IMMP2L: variants seen among roughly 807,000 people sequenced by gnomAD.
IMMP2L encodes mitochondrial inner membrane protease subunit 2.
Under a neutral mutation model 19.3 loss-of-function variants are expected in IMMP2L, and 18 were observed. The ratio of observed to expected loss-of-function variants is 0.93; its 90% CI spans 0.64 to 1.38. The LOEUF is 1.38. Ranked by LOEUF, IMMP2L falls within the 40% of genes most tolerant of loss-of-function variation. The pLI is 0.00. For synonymous variants in IMMP2L, 76 were observed against 73.0 expected (o/e 1.04, Z -0.21); for missense variants, 233 against 218.2 (o/e 1.07, Z -0.43).
intron 4 of IMMP2L, among the ~76,000 whole-genome samples, chr7:110,917,438 T>C (rs578198894): frequency 6.6e-6 from 1 of 152,296 alleles, no homozygotes; most frequent in African/African-American, 2.4e-5. Flanking sequence ...TATCTGCATG[T>C]CAAAATAGTG....
intron 5 of IMMP2L, among the ~76,000 whole-genome samples, chr7:110,733,787 T>G (rs1796435667): frequency 6.6e-6 from 1 of 152,088 alleles, no homozygotes; most frequent in African/African-American, 2.4e-5. Flanking sequence ...TTGGCCCTTC[T>G]TCCCCCTCTG....
intron 3 of IMMP2L, among the ~76,000 whole-genome samples, chr7:111,210,990 G>C (rs183248953): frequency 3.9e-5 from 6 of 152,180 alleles, no homozygotes; most frequent in South Asian, 4.2e-4. Context: ...AAGCAAAAAT[G>C]TTCTTCTTCT....
intron 3 of IMMP2L, among the ~76,000 whole-genome samples, chr7:111,011,185 A>C (rs1028527822): frequency 5.3e-5 from 8 of 152,116 alleles, no homozygotes; most frequent in Non-Finnish European, 1.0e-4. Flanking sequence ...TCTAGTTGCC[A>C]GTGGAAAGAG....
chr7:111,405,606 T>C (rs933518132), intron 3 of IMMP2L, among the ~76,000 whole-genome samples: 8 of 152,148 alleles, frequency 5.3e-5, no homozygotes, highest in African/African-American at 1.4e-4. Context: ...AAAAACATAG[T>C]TGAAGTGAGG....
chr7:110,956,492 T>C (rs538386354), intron 4 of IMMP2L, among the ~76,000 whole-genome samples: 20 of 151,974 alleles, frequency 1.3e-4, no homozygotes, highest in Non-Finnish European at 2.5e-4. Flanking sequence ...CAAAATCCAA[T>C]TATGTGAAGT....
At chr7:110,980,229 T>TC (rs1358054008) in intron 3 of IMMP2L, among the ~76,000 whole-genome samples, 1 of 135,428 alleles carries the variant, frequency 7.4e-6, no homozygotes, top group East Asian at 2.1e-4. Context: ...TGCTGCTTCT[T>TC]TTTTTTTTTT....
intron 3 of IMMP2L, among the ~76,000 whole-genome samples, chr7:111,212,328 G>A (rs887899035): frequency 6.6e-6 from 1 of 152,094 alleles, no homozygotes; most frequent in Admixed American, 6.5e-5. Flanking sequence ...AATAATTACG[G>A]CCGGATGCAG....
chr7:110,694,868 C>G (rs1458076311), intron 5 of IMMP2L, among the ~76,000 whole-genome samples: 1 of 151,748 alleles, frequency 6.6e-6, no homozygotes, highest in African/African-American at 2.4e-5. Flanking sequence ...TCTATATATG[C>G]AAAAGATTAT....
chr7:111,473,756 T>C (rs1196256320), intron 3 of IMMP2L, among the ~76,000 whole-genome samples: 1 of 152,100 alleles, frequency 6.6e-6, no homozygotes, highest in African/African-American at 2.4e-5. Flanking sequence ...TGGAAAGAAG[T>C]TTGGAGATTT....
intron 3 of IMMP2L, among the ~76,000 whole-genome samples, chr7:111,331,269 T>C (rs1348039034): frequency 6.6e-6 from 1 of 151,908 alleles, no homozygotes; most frequent in Non-Finnish European, 1.5e-5. Flanking sequence ...ATTCTGTCAT[T>C]TGTAGCAGCA....
At chr7:111,521,814 A>C (rs911070733) in intron 1 of IMMP2L, among the ~76,000 whole-genome samples, 7 of 152,104 alleles carry the variant, frequency 4.6e-5, no homozygotes, top group African/African-American at 1.7e-4. Context: ...ACAGTAATAA[A>C]AGTTTCAGTG....
At chr7:111,370,148 G>C (rs1321976771) in intron 3 of IMMP2L, among the ~76,000 whole-genome samples, 1 of 151,986 alleles carries the variant, frequency 6.6e-6, no homozygotes, top group Non-Finnish European at 1.5e-5. Context: ...GTTGTCATGT[G>C]AAACTGAGCA....
rs1202551261 is a variant in IMMP2L, at chr7:111,304,660, C to T, written c.239+182578G>A. On this transcript the variant is annotated intron_variant, in intron 3 of 5. Coordinates refer to ENST00000405709, the MANE Select transcript of IMMP2L (RefSeq NM_032549.4). ...CATAATGTATGGGTGTTTATACATA[C>T]ACATATATAATGTGTGTGTGTGTGT... is the stretch of plus-strand genomic sequence containing the variant. Among the ~76,000 whole-genome samples, 5 of 129,782 alleles carry T rather than the reference C, an allele frequency of 3.9e-5. No homozygotes were observed. In the South Asian group the frequency reaches 1.4e-3, roughly 35 times the overall value. The allele number at this position is 129,782 out of a possible 152,430, so 85.1% of individuals were successfully genotyped here.
chr7:111,388,405 C>G (rs1241092779), intron 3 of IMMP2L, among the ~76,000 whole-genome samples: 1 of 151,930 alleles, frequency 6.6e-6, no homozygotes, highest in South Asian at 2.1e-4. Context: ...TAAACCCTGT[C>G]GTTTGGAATC....
chr7:111,162,633 A>AG (rs1263016544), intron 3 of IMMP2L, among the ~76,000 whole-genome samples: 1 of 151,034 alleles, frequency 6.6e-6, no homozygotes, highest in East Asian at 1.9e-4. Flanking sequence ...ATTTTGAGCG[A>AG]GTAGTTTTTT....
chr7:110,745,615 G>T (rs924227115), intron 5 of IMMP2L, among the ~76,000 whole-genome samples: 5 of 152,160 alleles, frequency 3.3e-5, no homozygotes, highest in African/African-American at 7.2e-5. Context: ...TTAAAGAAAA[G>T]AATTTTCAAA....
At position 110,687,427 on chromosome 7, in the gene IMMP2L, CAACAT is replaced by C. The variant is rs1037593343; in HGVS notation, c.409-23711_409-23707del. On this transcript the variant is annotated intron_variant, in intron 5 of 5. Transcript: ENST00000405709. Reference sequence around the variant, plus strand: ...CATCTTTTTTGTTTTTTAAAGTACTCAACATAACATATTATCCATAGTAGACACTC... The same window carrying C: ...CATCTTTTTTGTTTTTTAAAGTACTCAACATATTATCCATAGTAGACACTC... Among the ~76,000 whole-genome samples the C allele has an allele frequency of 2.9e-4, 44 of 152,016 alleles. No individual in the cohort carries two copies. In the East Asian group the frequency reaches 3.5e-3, roughly 12 times the overall value.
At chr7:111,139,152 T>C (rs953561240) in intron 3 of IMMP2L, among the ~76,000 whole-genome samples, 1 of 152,164 alleles carries the variant, frequency 6.6e-6, no homozygotes, top group Non-Finnish European at 1.5e-5. Context: ...TTTTTATCTT[T>C]GCCCTATTTA....
chr7:111,499,121 A>G (rs1192040384), intron 2 of IMMP2L, among the ~76,000 whole-genome samples: 1 of 152,188 alleles, frequency 6.6e-6, no homozygotes, highest in Non-Finnish European at 1.5e-5. Context: ...AGGCAGCTGC[A>G]GCCATGGAGG....
Sources: gnomAD v4.1 joint callset for allele counts (sites outside exome capture counted in the v4.1 genomes callset) on GRCh38, gnomAD v4.1.1 for gene constraint, MANE v1.5 for transcripts, NCBI Gene and HGNC (gene_info 2026-07-23, HGNC 2026-07-21) for gene names.